Variants in DOCK2 observed in about 807,000 individuals in gnomAD.
DOCK2 encodes the protein dedicator of cytokinesis protein 2.
A neutral mutation model predicts 248.9 loss-of-function variants in DOCK2; 87 were observed. The ratio of observed to expected loss-of-function variants is 0.35; its 90% CI spans 0.29 to 0.42. DOCK2 has a LOEUF of 0.42. Ranked by LOEUF, DOCK2 falls within the 10% of genes least tolerant of loss-of-function variation. The probability of loss-of-function intolerance (pLI) is 1.00; values close to 1 mark genes in which losing one functional copy is unlikely to be tolerated. For missense variants in DOCK2, 1,747 were observed against 2,300.2 expected, an observed-to-expected ratio of 0.76 and a Z score of 4.92; for synonymous variants, 805 against 821.6, an observed-to-expected ratio of 0.98 and a Z score of 0.35.
chr5:169,638,186 C>G (rs1419238649), intron 1 of DOCK2, among the ~76,000 whole-genome samples: 3 of 152,176 alleles, frequency 2.0e-5, no homozygotes, highest in African/African-American at 7.2e-5. Context: ...CAGACACCAT[C>G]TCAGAGATAA....
At position 169,879,654 on chromosome 5, in the gene DOCK2, A is replaced by C. The variant is rs114011894; in HGVS notation, c.2799+38802A>C. On this transcript the variant is annotated intron_variant, in intron 27 of 51. Transcript: ENST00000520908. ...TTTGAATTAAGTGCTAGAAAAATGCAAACATTCTCAGACATGTTGGAAGGT... is the reference window on the plus strand; with the variant it reads ...TTTGAATTAAGTGCTAGAAAAATGCCAACATTCTCAGACATGTTGGAAGGT... 1.5e-3 allele frequency among the ~76,000 whole-genome samples: 227 copies of C among 152,338 alleles called. 1 individual carries two copies. Among genetic ancestry groups the C allele is most frequent in the African/African-American group, 5.3e-3 (219 of 41,584 alleles).
chr5:169,741,863 G>A (rs2113668426), intron 22 of DOCK2, among the ~76,000 whole-genome samples: 1 of 143,140 alleles, frequency 7.0e-6, no homozygotes, highest in Non-Finnish European at 1.5e-5. Context: ...AGGCTGGAGT[G>A]CAGTGGTGCG....
chr5:169,975,418 A>G (rs1307799280), intron 27 of DOCK2, among the ~76,000 whole-genome samples: 1 of 152,108 alleles, frequency 6.6e-6, no homozygotes, highest in Admixed American at 6.5e-5. Context: ...CACTGATCCC[A>G]TGGGCCTCCA....
At chr5:169,825,851 A>G (rs2113264039) in intron 26 of DOCK2, among the ~76,000 whole-genome samples, 1 of 151,416 alleles carries the variant, frequency 6.6e-6, no homozygotes, top group East Asian at 1.9e-4. Context: ...AAACAAAACA[A>G]AAAAATCTCT....
chr5:169,895,070 G>A (rs1290826101), intron 27 of DOCK2, among the ~76,000 whole-genome samples: 2 of 152,126 alleles, frequency 1.3e-5, no homozygotes, highest in Non-Finnish European at 2.9e-5. Flanking sequence ...CTGGGACTTA[G>A]GCTCTCTGCC....
At chr5:169,848,796 G>A (rs1770465809) in intron 27 of DOCK2, among the ~76,000 whole-genome samples, 2 of 152,190 alleles carry the variant, frequency 1.3e-5, no homozygotes. Flanking sequence ...ATTCAGAGCA[G>A]TTTGTTCAAA....
intron 22 of DOCK2, among the ~76,000 whole-genome samples, chr5:169,735,917 A>G (rs909851504): frequency 6.6e-6 from 1 of 151,856 alleles, no homozygotes; most frequent in African/African-American, 2.4e-5. Context: ...AGGGGAAGCA[A>G]GCATGCCTTA....
At chr5:169,899,553 T>C (rs1211297997) in intron 27 of DOCK2, among the ~76,000 whole-genome samples, 1 of 152,206 alleles carries the variant, frequency 6.6e-6, no homozygotes, top group Non-Finnish European at 1.5e-5. Flanking sequence ...TAATGGAGAA[T>C]ATAAATGTTT....
intron 27 of DOCK2, among the ~76,000 whole-genome samples, chr5:169,916,534 A>G (rs1561820596): frequency 1.3e-5 from 2 of 152,206 alleles, no homozygotes; most frequent in Non-Finnish European, 2.9e-5. Flanking sequence ...GCTATTGGGC[A>G]ACCTTCCTGT....
intron 27 of DOCK2, among the ~76,000 whole-genome samples, chr5:169,901,909 A>T (rs1268460417): frequency 6.6e-6 from 1 of 152,216 alleles, no homozygotes; most frequent in Non-Finnish European, 1.5e-5. Context: ...TTGCAAGAAC[A>T]CATGGCTCTG....
Position 169,742,219 on chromosome 5 carries a change from C to T in DOCK2, c.2268-5177C>T, listed in dbSNP as rs59804313. ...TGCTGATTTCTTTCTTCTTACAGTT[C>T]AGGAAGCAAAAATGGGTGTATCCGG... On this transcript the variant is annotated intron_variant, in intron 22 of 51. Coordinates refer to ENST00000520908, the MANE Select transcript of DOCK2 (RefSeq NM_004946.3). 2.0e-5 allele frequency among the ~76,000 whole-genome samples: 3 copies of T among 152,132 alleles called. No homozygotes were observed. The East Asian group carries it at 5.8e-4, about 29-fold the overall frequency.
intron 2 of DOCK2, among the ~76,000 whole-genome samples, chr5:169,663,425 G>T (rs944327255): frequency 6.6e-6 from 1 of 152,208 alleles, no homozygotes; most frequent in South Asian, 2.1e-4. Context: ...AGTGCCTCAC[G>T]GGGGACTCTG....
At chr5:169,721,837 A>G (rs946934001) in intron 22 of DOCK2, among the ~76,000 whole-genome samples, 2 of 152,328 alleles carry the variant, frequency 1.3e-5, no homozygotes, top group Admixed American at 6.5e-5. Flanking sequence ...AGAAGGATTC[A>G]TTTTTATCTA....
chr5:169,912,331 T>C (rs953824467), intron 27 of DOCK2, among the ~76,000 whole-genome samples: 2 of 152,158 alleles, frequency 1.3e-5, no homozygotes, highest in African/African-American at 4.8e-5. Context: ...GTGTATTGGG[T>C]TCCTTGGTTG....
At chr5:169,664,759 A>G (rs1370394763) in intron 2 of DOCK2, among the ~76,000 whole-genome samples, 2 of 152,158 alleles carry the variant, frequency 1.3e-5, no homozygotes, top group Admixed American at 1.3e-4. Context: ...ATCACCTCCG[A>G]CCAGGTCCCT....
intron 27 of DOCK2, among the ~76,000 whole-genome samples, chr5:169,888,756 A>G (rs1773119304): frequency 6.6e-6 from 1 of 152,232 alleles, no homozygotes; most frequent in South Asian, 2.1e-4. Context: ...ATTAAATGAA[A>G]TAATCTATAT....
chr5:169,668,947 T>C (rs1022152994), intron 2 of DOCK2, among the ~76,000 whole-genome samples: 2 of 152,154 alleles, frequency 1.3e-5, no homozygotes, highest in African/African-American at 2.4e-5. Context: ...AGGGGCTGCG[T>C]TGAGGCTGGT....
intron 43 of DOCK2, chr5:170,057,240 T>C (rs1451335705): frequency 1.5e-5 from 6 of 395,968 alleles, no homozygotes; most frequent in Middle Eastern, 1.6e-3. Context: ...CTTAATATTT[T>C]TGGAGCCACT....
intron 24 of DOCK2, among the ~76,000 whole-genome samples, chr5:169,760,944 A>G (rs528254367): frequency 9.1e-4 from 139 of 152,246 alleles, no homozygotes; most frequent in Non-Finnish European, 1.7e-3. Context: ...TTCTCACCCT[A>G]TTTGGGAAGA....
Sources: gnomAD v4.1 joint callset for allele counts (sites outside exome capture counted in the v4.1 genomes callset) on GRCh38, gnomAD v4.1.1 for gene constraint, MANE v1.5 for transcripts, NCBI Gene and HGNC (gene_info 2026-07-23, HGNC 2026-07-21) for gene names.